Variants in METTL16 observed in about 807,000 individuals in gnomAD.
METTL16 encodes RNA N(6)-adenosine-methyltransferase METTL16.
Under a neutral mutation model 57.9 loss-of-function variants are expected in METTL16, and 19 were observed. The ratio of observed to expected loss-of-function variants is 0.33; its 90% CI spans 0.23 to 0.48. The LOEUF is 0.48. Ranked by LOEUF, METTL16 falls within the 20% of genes least tolerant of loss-of-function variation. The pLI, the probability that METTL16 is intolerant of heterozygous loss-of-function variation, is 0.99. For missense variants in METTL16, 434 were observed against 691.5 expected, an observed-to-expected ratio of 0.63 and a Z score of 4.18; for synonymous variants, 246 against 255.6, an observed-to-expected ratio of 0.96 and a Z score of 0.36.
intron 6 of METTL16, chr17:2,460,015 TG>T (rs2067138795): frequency 6.6e-6 from 1 of 152,142 alleles, no homozygotes; most frequent in African/African-American, 2.4e-5. Flanking sequence ...AAAACGTATG[TG>T]TATATATGTG....
Position 2,420,678 on chromosome 17 carries a change from G to GA in METTL16, c.1062+52dup. On this transcript the variant is annotated intron_variant, in intron 9 of 9. Transcript: ENST00000263092. The surrounding 1 kb of genome is among the most constrained non-coding windows in gnomAD (Gnocchi z 5.4). ...TCTCAATAAAAAAAAAAAGAAAAAA[G>GA]AAAAAAGAGAAGGATCATTATGAGT... The GA allele has an allele frequency of 6.4e-7, 1 of 1,560,676 alleles. No homozygotes were observed. Among genetic ancestry groups the GA allele is most frequent in the Non-Finnish European group, 8.6e-7 (1 of 1,159,590 alleles).
intron 8 of METTL16, among the ~76,000 whole-genome samples, chr17:2,435,702 G>C (rs1002378828): frequency 2.7e-5 from 4 of 150,212 alleles, no homozygotes; most frequent in Non-Finnish European, 3.0e-5. Flanking sequence ...TGGCAGGGGG[G>C]AGTCTGGGGC....
intron 8 of METTL16, 120 bp from the exon 9 acceptor site, chr17:2,421,024 AAACAC>A: frequency 9.0e-7 from 1 of 1,109,850 alleles, no homozygotes; most frequent in Non-Finnish European, 1.3e-6. Flanking sequence ...AGAGCACTGA[AAACAC>A]AAAGGGTTTT....
intron 7 of METTL16, among the ~76,000 whole-genome samples, chr17:2,439,308 C>T (rs1174289762): frequency 3.9e-5 from 6 of 152,030 alleles, no homozygotes; most frequent in Non-Finnish European, 7.4e-5. Flanking sequence ...GATGAGATTT[C>T]GCTGTGTTGC....
intron 4 of METTL16, among the ~76,000 whole-genome samples, chr17:2,468,755 G>T (rs535657580): frequency 1.0e-3 from 159 of 152,188 alleles, no homozygotes; most frequent in African/African-American, 3.2e-3. Context: ...TGAGCATGGT[G>T]GTACGAGCCT....
intron 6 of METTL16, among the ~76,000 whole-genome samples, chr17:2,446,185 C>G (rs960356458): frequency 1.3e-5 from 2 of 152,190 alleles, no homozygotes; most frequent in African/African-American, 4.8e-5. Context: ...AACTCTGTAA[C>G]AGCCAACATC....
At position 2,425,878 on chromosome 17, in the gene METTL16, G is replaced by C. The variant is rs550345662; in HGVS notation, c.889-4974C>G. Among the ~76,000 whole-genome samples the C allele has an allele frequency of 2.2e-4, 33 of 151,990 alleles. 1 individual carries two copies. The South Asian group carries it at 2.5e-3, about 11-fold the overall frequency. On this transcript the variant is annotated intron_variant, in intron 8 of 9. Coordinates refer to ENST00000263092, the MANE Select transcript of METTL16 (RefSeq NM_024086.4). ...ATTTTTGTATTTTTTGTAGAGATGG[G>C]GTTCTGCCATGTCGCCCAGACTGGT... is the stretch of plus-strand genomic sequence containing the variant.
intron 6 of METTL16, among the ~76,000 whole-genome samples, chr17:2,462,735 C>T (rs1270301691): frequency 1.3e-5 from 2 of 152,130 alleles, no homozygotes; most frequent in Non-Finnish European, 2.9e-5. Context: ...GCCGTGCTTC[C>T]GGTACAGCCT....
intron 8 of METTL16, among the ~76,000 whole-genome samples, chr17:2,422,187 C>T (rs1300820482): frequency 6.6e-6 from 1 of 151,960 alleles, no homozygotes; most frequent in Non-Finnish European, 1.5e-5. Context: ...GGGCACGCAC[C>T]TATAATCCCA....
intron 1 of METTL16, among the ~76,000 whole-genome samples, chr17:2,509,108 T>C (rs1462891675): frequency 7.2e-5 from 11 of 152,226 alleles, no homozygotes; most frequent in Admixed American, 7.2e-4. Context: ...GTGCTGCTTC[T>C]CCCTCAGAGA....
At chr17:2,447,705 G>A (rs2067016603) in intron 6 of METTL16, among the ~76,000 whole-genome samples, 1 of 143,800 alleles carries the variant, frequency 7.0e-6, no homozygotes, top group Non-Finnish European at 1.5e-5. Flanking sequence ...GGAGGGGGGA[G>A]GGGGGGTCAG....
At chr17:2,465,457 G>A (rs535525954) in intron 5 of METTL16, among the ~76,000 whole-genome samples, 4 of 142,522 alleles carry the variant, frequency 2.8e-5, no homozygotes, top group African/African-American at 1.1e-4. Flanking sequence ...TGAGGCAGGA[G>A]AATCGCTTGA....
chr17:2,472,892 C>T (rs1003551585), intron 4 of METTL16, among the ~76,000 whole-genome samples: 6 of 152,022 alleles, frequency 3.9e-5, no homozygotes, highest in Admixed American at 2.6e-4. Context: ...GGCAGTGAAA[C>T]GATTCTGTGT....
chr17:2,446,622 C>CTCCACGGTCTCCT (rs1195367383), intron 6 of METTL16, among the ~76,000 whole-genome samples: 2 of 151,504 alleles, frequency 1.3e-5, no homozygotes, highest in Admixed American at 6.6e-5. Context: ...CTCCCTCTCC[C>CTCCACGGTCTCCT]TCCACGGTCT....
chr17:2,437,922 G>A (rs988261477), intron 8 of METTL16, among the ~76,000 whole-genome samples, 187 bp downstream of exon 8: 1 of 152,200 alleles, frequency 6.6e-6, no homozygotes, highest in South Asian at 2.1e-4. Context: ...ACTCACAGAG[G>A]AAGGCTCCAC....
chr17:2,457,188 AT>A (rs2067116880), intron 6 of METTL16, among the ~76,000 whole-genome samples: 1 of 150,558 alleles, frequency 6.6e-6, no homozygotes, highest in Non-Finnish European at 1.5e-5. Flanking sequence ...AAAAAAAAAA[AT>A]TAGCTGGGCG....
chr17:2,471,025 G>A (rs1023392092), intron 4 of METTL16, among the ~76,000 whole-genome samples: 2 of 152,198 alleles, frequency 1.3e-5, no homozygotes, highest in Admixed American at 6.5e-5. Flanking sequence ...TAGATCAACA[G>A]AAGAGAATAG....
At chr17:2,504,741 A>T (rs1330268664) in intron 1 of METTL16, among the ~76,000 whole-genome samples, 3 of 151,848 alleles carry the variant, frequency 2.0e-5, no homozygotes, top group African/African-American at 7.3e-5. Context: ...TTTATTTTTA[A>T]TTTTATTTTT....
chr17:2,418,099 A>C lies in METTL16; in HGVS notation c.*1871T>G, dbSNP rs1436554972. On this transcript the variant is annotated 3_prime_UTR_variant, in exon 10 of 10. Coordinates refer to ENST00000263092, the MANE Select transcript of METTL16 (RefSeq NM_024086.4). ...TTGTTTTTTGCAGCCTGACACATGAATGCTTGGACTAGAATAATGATTCTT... is the reference window on the plus strand; with the variant it reads ...TTGTTTTTTGCAGCCTGACACATGACTGCTTGGACTAGAATAATGATTCTT... The C allele has an allele frequency of 6.6e-6, 1 of 152,002 alleles. No individual in the cohort carries two copies. Among genetic ancestry groups the C allele is most frequent in the Non-Finnish European group, 1.5e-5 (1 of 68,030 alleles). The allele number at this position is 152,002 out of a possible 1,614,324, so 9.4% of individuals were successfully genotyped here. A position where few individuals can be genotyped will look rare whatever the true frequency, so the allele number is the denominator to read the frequency against.
Sources: gnomAD v4.1 joint callset for allele counts (sites outside exome capture counted in the v4.1 genomes callset) on GRCh38, gnomAD v4.1.1 for gene constraint, Gnocchi (gnomAD v3.1) non-coding constraint, MANE v1.5 for transcripts, NCBI Gene and HGNC (gene_info 2026-07-23, HGNC 2026-07-21) for gene names.